Variants in FARP1 observed in about 807,000 individuals in gnomAD.
FARP1 encodes the protein FERM, ARH/RhoGEF and pleckstrin domain protein 1, also known as FERM, ARHGEF and pleckstrin domain-containing protein 1.
Under a neutral mutation model 128.8 loss-of-function variants are expected in FARP1, and 52 were observed. The observed-to-expected ratio is 0.40, with a 90% confidence interval of 0.32 to 0.51. FARP1 has a LOEUF of 0.51. Ranked by LOEUF, FARP1 falls within the 20% of genes least tolerant of loss-of-function variation. The probability of loss-of-function intolerance (pLI) is 0.45; values close to 1 mark genes in which losing one functional copy is unlikely to be tolerated. For synonymous variants in FARP1, 580 were observed against 551.8 expected, an observed-to-expected ratio of 1.05 and a Z score of -0.72; for missense variants, 1,333 against 1,367.9, an observed-to-expected ratio of 0.97 and a Z score of 0.40.
At chr13:98,429,041 A>T (rs1308834502) in intron 17 of FARP1, among the ~76,000 whole-genome samples, 1 of 152,194 alleles carries the variant, frequency 6.6e-6, no homozygotes, top group African/African-American at 2.4e-5. Context: ...GGATGTCACC[A>T]TTGAGGGAGG....
intron 2 of FARP1, among the ~76,000 whole-genome samples, chr13:98,301,659 G>C (rs984456020): frequency 6.6e-6 from 1 of 152,120 alleles, no homozygotes; most frequent in African/African-American, 2.4e-5. Context: ...CTAAAGAAGA[G>C]GTGTTTTGAT....
intron 2 of FARP1, among the ~76,000 whole-genome samples, chr13:98,303,109 A>G (rs1259105025): frequency 1.3e-5 from 2 of 152,188 alleles, no homozygotes; most frequent in Non-Finnish European, 2.9e-5. Flanking sequence ...CAGAAACTTT[A>G]TGCTGTGTGA....
chr13:98,309,380 A>G (rs1315819910), intron 2 of FARP1, among the ~76,000 whole-genome samples: 6 of 150,384 alleles, frequency 4.0e-5, no homozygotes, highest in Non-Finnish European at 5.9e-5. Flanking sequence ...CGTGTTAGCC[A>G]GGATGGTCTC....
At chr13:98,167,608 C>A (rs1208741560) in intron 1 of FARP1, among the ~76,000 whole-genome samples, 1 of 151,886 alleles carries the variant, frequency 6.6e-6, no homozygotes. Context: ...TAGGGTTTCA[C>A]CATGTTGGCC....
intron 13 of FARP1, chr13:98,405,430 C>A (rs1023213401): frequency 1.3e-5 from 2 of 152,088 alleles, no homozygotes; most frequent in Non-Finnish European, 2.9e-5. Context: ...ACTAGAAATG[C>A]CTCCCTTGAG....
intron 2 of FARP1, among the ~76,000 whole-genome samples, chr13:98,278,546 T>C (rs1884779830): frequency 6.6e-6 from 1 of 152,150 alleles, no homozygotes; most frequent in South Asian, 2.1e-4. Flanking sequence ...GTCTGAGTGT[T>C]GTCTGTGTCC....
Position 98,435,620 on chromosome 13 carries a change from A to G in FARP1, c.2188A>G (p.Thr730Ala). The G allele has an allele frequency of 6.2e-7, 1 of 1,614,000 alleles. No homozygotes were observed. Among genetic ancestry groups the G allele is most frequent in the Non-Finnish European group, 8.5e-7 (1 of 1,179,916 alleles). The change falls in exon 19 of 27, where the codon ACG (threonine) becomes GCG (alanine). Residue 730 changes from threonine to alanine, a missense_variant. Physicochemically the swap from Thr to Ala is moderately conservative, Grantham distance 58. Around this residue, in one of 2 missense-constraint regions of FARP1, gnomAD observed 1,009 missense variants for 969.8 expected, o/e 1.04. Coordinates refer to ENST00000319562, the MANE Select transcript of FARP1 (RefSeq NM_005766.4). ...ITEMVAQLHGTMIKMENFQKL... is the reference protein window; with the variant it reads ...ITEMVAQLHGAMIKMENFQKL... ...GGAGATGGTGGCACAGCTCCACGGT[A>G]CGATGATCAAGATGGAGAATTTCCA... is the stretch of plus-strand genomic sequence containing the variant.
At chr13:98,209,472 A>ATT (rs534634730) in intron 1 of FARP1, among the ~76,000 whole-genome samples, 4 of 106,442 alleles carry the variant, frequency 3.8e-5, no homozygotes, top group Non-Finnish European at 7.1e-5. Flanking sequence ...GGGAGGAAAG[A>ATT]TTTTTTTTTT....
chr13:98,183,142 T>C (rs1334073491), intron 1 of FARP1, among the ~76,000 whole-genome samples: 1 of 152,240 alleles, frequency 6.6e-6, no homozygotes, highest in East Asian at 1.9e-4. Context: ...TCTATTCTTA[T>C]TATCATTTGT....
Position 98,176,757 on chromosome 13 carries a change from C to T in FARP1, c.-24+33265C>T. 5 of 1,614,046 alleles carry T rather than the reference C, an allele frequency of 3.1e-6. No homozygotes were observed. The highest frequency in any genetic ancestry group is 4.2e-6 in the Non-Finnish European group (5 of 1,180,030). ...AGGAGGAGTTGCCCATGGACGTGTC[C>T]TTGGGCTTCAGGTACCTCAGGTAGC... On this transcript the variant is annotated intron_variant, in intron 1 of 26. Coordinates refer to ENST00000319562, the MANE Select transcript of FARP1 (RefSeq NM_005766.4). This position sits in a 1 kb window ranked among gnomAD's most constrained non-coding sequence, Gnocchi z 6.2.
chr13:98,191,397 T>C (rs1291458347), intron 1 of FARP1, among the ~76,000 whole-genome samples: 1 of 152,198 alleles, frequency 6.6e-6, no homozygotes, highest in Non-Finnish European at 1.5e-5. Flanking sequence ...AGCTTCATCG[T>C]GGTGAAATGG....
chr13:98,312,135 C>CTTTTT (rs60890411), intron 2 of FARP1, among the ~76,000 whole-genome samples: 1,306 of 86,044 alleles, frequency 0.015, 176 homozygotes, highest in African/African-American at 0.045. Context: ...GTGGTAACTG[C>CTTTTT]TTTTTTTTTT....
chr13:98,290,850 A>G (rs1465161195), intron 2 of FARP1, among the ~76,000 whole-genome samples: 2 of 152,200 alleles, frequency 1.3e-5, no homozygotes, highest in Admixed American at 1.3e-4. Context: ...GAGCTGGCAA[A>G]ATGGAGTTGC....
chr13:98,264,378 T>C (rs1884005931), intron 2 of FARP1, among the ~76,000 whole-genome samples: 2 of 152,224 alleles, frequency 1.3e-5, no homozygotes, highest in African/African-American at 4.8e-5. Context: ...TCTCATGCCA[T>C]CTCACTTCGT....
At chr13:98,281,327 A>G (rs1884926877) in intron 2 of FARP1, among the ~76,000 whole-genome samples, 1 of 151,982 alleles carries the variant, frequency 6.6e-6, no homozygotes, top group Non-Finnish European at 1.5e-5. Context: ...AGATCGTGCC[A>G]CTGTTCTCCA....
rs113972742 is a variant in FARP1 at position 98,213,334 on chromosome 13, C to T, written c.92C>T (p.Pro31Leu). Residue 31 changes from proline to leucine, a missense_variant, in exon 2 of 27, where the codon CCG becomes CTG. Pro to Leu is a moderately conservative substitution (Grantham distance 98). Transcript: ENST00000319562. ...AGTACCTTGGAACGTGGACAGAAGC[C>T]GCCCCCAACACCTTCAGGAAAACTC... is the stretch of plus-strand genomic sequence containing the variant. ...GISTLERGQK[P>L]PPTPSGKLVS... The T allele has an allele frequency of 1.1e-4, 172 of 1,614,132 alleles. 1 individual carries two copies. The South Asian group carries it at 1.3e-3, about 12-fold the overall frequency.
At chr13:98,359,770 G>A (rs1888788593) in intron 3 of FARP1, among the ~76,000 whole-genome samples, 2 of 152,228 alleles carry the variant, frequency 1.3e-5, no homozygotes, top group South Asian at 4.1e-4. Flanking sequence ...GCCTTGGTGG[G>A]TGGTAGGCTA....
chr13:98,414,405 G>A (rs1309031341), intron 16 of FARP1, among the ~76,000 whole-genome samples: 1 of 152,186 alleles, frequency 6.6e-6, no homozygotes, highest in Non-Finnish European at 1.5e-5. Flanking sequence ...GTGAAGTTAA[G>A]CTAATCAATT....
chr13:98,155,346 A>C (rs565013084), intron 1 of FARP1, among the ~76,000 whole-genome samples: 627 of 44,546 alleles, frequency 0.014, 2 homozygotes, highest in African/African-American at 0.021. Flanking sequence ...TCTGTCTCAA[A>C]AAAAAAAAAA....
Sources: allele counts gnomAD v4.1 joint callset (sites outside exome capture counted in the v4.1 genomes callset), GRCh38; gene constraint gnomAD v4.1.1; regional missense constraint gnomAD v4.1.1; non-coding constraint Gnocchi (gnomAD v3.1); transcripts MANE v1.5; gene names NCBI Gene and HGNC (gene_info 2026-07-23, HGNC 2026-07-21).